Variants in ADAMTS3 observed in about 807,000 individuals in gnomAD.
The protein encoded by ADAMTS3 is A disintegrin and metalloproteinase with thrombospondin motifs 3.
In ADAMTS3, 73 loss-of-function variants were observed where a neutral mutation model predicts 129.0. The observed-to-expected ratio is 0.57, with a 90% CI of 0.47 to 0.69. The LOEUF is 0.69. ADAMTS3 is among the 30% of genes least tolerant of loss of function. The pLI is 0.00. For synonymous variants in ADAMTS3, 477 were observed against 510.8 expected (o/e 0.93, Z 0.89); for missense variants, 1,457 against 1,514.5 (o/e 0.96, Z 0.63).
intron 2 of ADAMTS3, among the ~76,000 whole-genome samples, chr4:72,558,670 G>GT (rs1255020636): frequency 6.6e-6 from 1 of 151,626 alleles, no homozygotes; most frequent in Non-Finnish European, 1.5e-5. Context: ...GTGCTGGAAA[G>GT]CTATTGCATT....
chr4:72,382,120 T>C (rs922793956), intron 4 of ADAMTS3, among the ~76,000 whole-genome samples: 3 of 152,192 alleles, frequency 2.0e-5, no homozygotes, highest in African/African-American at 7.2e-5. Flanking sequence ...TGATGATTTC[T>C]TAACTTGTCA....
intron 3 of ADAMTS3, among the ~76,000 whole-genome samples, chr4:72,547,688 T>C (rs1721501599): frequency 6.6e-6 from 1 of 152,064 alleles, no homozygotes; most frequent in Non-Finnish European, 1.5e-5. Context: ...ATAAATACAA[T>C]TTGATAAAAT....
intron 3 of ADAMTS3, among the ~76,000 whole-genome samples, chr4:72,433,318 C>A (rs1722742421): frequency 1.3e-5 from 2 of 151,878 alleles, no homozygotes; most frequent in South Asian, 4.1e-4. Flanking sequence ...TAAATTTGCT[C>A]TATAGCACTC....
intron 3 of ADAMTS3, among the ~76,000 whole-genome samples, chr4:72,487,629 C>T (rs185953773): frequency 1.3e-5 from 2 of 152,222 alleles, no homozygotes; most frequent in South Asian, 2.1e-4. Context: ...CGCTTTCCAT[C>T]TCTTATTAAC....
At chr4:72,568,126 C>G (rs1014245925) in intron 1 of ADAMTS3, 3 of 153,112 alleles carry the variant, frequency 2.0e-5, no homozygotes, top group Non-Finnish European at 4.4e-5. Context: ...CTCCAGCCCC[C>G]CTCCCCAACT....
At chr4:72,328,777 G>T (rs1719762864) in intron 5 of ADAMTS3, among the ~76,000 whole-genome samples, 1 of 152,074 alleles carries the variant, frequency 6.6e-6, no homozygotes, top group Non-Finnish European at 1.5e-5. Context: ...TTTTTAAAGA[G>T]ACTTTTGTAT....
At chr4:72,335,980 TA>T (rs1328570064) in intron 5 of ADAMTS3, among the ~76,000 whole-genome samples, 1 of 152,172 alleles carries the variant, frequency 6.6e-6, no homozygotes, top group Non-Finnish European at 1.5e-5. Flanking sequence ...ATAAGAAATA[TA>T]AGCTTCTCTT....
intron 3 of ADAMTS3, among the ~76,000 whole-genome samples, chr4:72,448,624 A>G (rs1375886072): frequency 6.6e-6 from 1 of 151,722 alleles, no homozygotes; most frequent in African/African-American, 2.4e-5. Flanking sequence ...TGTAATACCA[A>G]AAGAAACTGT....
chr4:72,320,603 G>T, intron 7 of ADAMTS3, 111 bp downstream of exon 7: 1 of 1,115,020 alleles, frequency 9.0e-7, no homozygotes, highest in Non-Finnish European at 1.3e-6. Flanking sequence ...TGGCCGGTGT[G>T]TGGTGGAAAG....
intron 3 of ADAMTS3, among the ~76,000 whole-genome samples, chr4:72,499,126 T>C (rs1421538013): frequency 6.6e-6 from 1 of 152,108 alleles, no homozygotes; most frequent in African/African-American, 2.4e-5. Context: ...CAAAGGAAGT[T>C]TGAGAATCAC....
intron 3 of ADAMTS3, among the ~76,000 whole-genome samples, chr4:72,434,348 C>T (rs1023833387): frequency 6.6e-6 from 1 of 151,758 alleles, no homozygotes; most frequent in Non-Finnish European, 1.5e-5. Context: ...AAATGGCATG[C>T]CCAAGGTCAC....
intron 3 of ADAMTS3, among the ~76,000 whole-genome samples, chr4:72,538,846 C>T (rs1047133575): frequency 1.3e-5 from 2 of 152,036 alleles, no homozygotes; most frequent in African/African-American, 4.8e-5. Flanking sequence ...ATAGAAAGTC[C>T]AGAAATAAAT....
chr4:72,341,522 G>C (rs186412788), intron 4 of ADAMTS3, among the ~76,000 whole-genome samples: 2 of 152,294 alleles, frequency 1.3e-5, no homozygotes, highest in East Asian at 3.9e-4. Context: ...CACACACTTA[G>C]AATGTGAAAG....
intron 3 of ADAMTS3, among the ~76,000 whole-genome samples, chr4:72,431,789 A>G (rs926187466): frequency 6.6e-6 from 1 of 151,950 alleles, no homozygotes; most frequent in Admixed American, 6.6e-5. Context: ...CTATTTGGTA[A>G]AGGGGAAATG....
At chr4:72,388,462 G>A (rs1292480482) in intron 4 of ADAMTS3, among the ~76,000 whole-genome samples, 12 of 152,152 alleles carry the variant, frequency 7.9e-5, no homozygotes, top group Admixed American at 7.2e-4. Context: ...AAGGGGCCAC[G>A]TCACTACCCC....
chr4:72,404,208 C>A (rs760573161), intron 4 of ADAMTS3, among the ~76,000 whole-genome samples: 2 of 151,930 alleles, frequency 1.3e-5, no homozygotes, highest in East Asian at 1.9e-4. Flanking sequence ...CCCTTGGTAG[C>A]CAAAATAATC....
chr4:72,554,536 T>C (rs1721716981), intron 2 of ADAMTS3, among the ~76,000 whole-genome samples: 1 of 152,078 alleles, frequency 6.6e-6, no homozygotes, highest in South Asian at 2.1e-4. Context: ...CTTGCCCTCC[T>C]GACTTCGCTA....
intron 3 of ADAMTS3, among the ~76,000 whole-genome samples, chr4:72,541,207 G>A (rs530118107): frequency 6.6e-6 from 1 of 152,320 alleles, no homozygotes; most frequent in African/African-American, 2.4e-5. Context: ...TGGAGTCAAA[G>A]GAGATCATTT....
At chr4:72,409,922 T>G (rs903227289) in intron 4 of ADAMTS3, among the ~76,000 whole-genome samples, 1 of 152,170 alleles carries the variant, frequency 6.6e-6, no homozygotes, top group African/African-American at 2.4e-5. Context: ...GGCTGCTAAA[T>G]AAGATGATGC....
Sources: gnomAD v4.1 joint callset for allele counts (sites outside exome capture counted in the v4.1 genomes callset) on GRCh38, gnomAD v4.1.1 for gene constraint, MANE v1.5 for transcripts, NCBI Gene and HGNC (gene_info 2026-07-23, HGNC 2026-07-21) for gene names.